Variants in DYSF observed in about 807,000 individuals in gnomAD.
DYSF encodes the protein dystrophy-associated fer-1-like 1.
Under a neutral mutation model 274.9 loss-of-function variants are expected in DYSF, and 212 were observed. The observed-to-expected ratio is 0.77, with a 90% confidence interval of 0.69 to 0.86. The LOEUF (loss-of-function observed/expected upper bound fraction) is 0.86. Among genes scored for constraint, DYSF ranks in the 40% least tolerant of loss-of-function variants. The pLI is 0.00. For missense variants in DYSF, 2,666 were observed against 2,783.2 expected (o/e 0.96, Z 0.95); for synonymous variants, 1,091 against 1,078.7 (o/e 1.01, Z -0.22).
chr2:71,489,671 C>A (rs1012013747), intron 3 of DYSF, among the ~76,000 whole-genome samples: 1 of 152,158 alleles, frequency 6.6e-6, no homozygotes, highest in African/African-American at 2.4e-5. Flanking sequence ...GGGAGGGGGC[C>A]TGGCCAGTTG....
chr2:71,528,319 A>C lies in DYSF; in HGVS notation c.1298A>C (p.Asn433Thr). 6.2e-7 allele frequency: 1 copy of C among 1,614,114 alleles called. No individual in the cohort carries two copies. Among genetic ancestry groups the C allele is most frequent in the Non-Finnish European group, 8.5e-7 (1 of 1,179,992 alleles). ...LPQMDDAVMD[N>T]VKQIFGFESN... ...CCAGTGGACGATGCCGTGATGGACAACGTGAAACAGATCTTTGGCTTCGAG... is the reference window on the plus strand; with the variant it reads ...CCAGTGGACGATGCCGTGATGGACACCGTGAAACAGATCTTTGGCTTCGAG... Residue 433 changes from asparagine (N) to threonine (T), a missense_variant, in exon 14 of 56, where the codon AAC (asparagine) becomes ACC (threonine). Asn to Thr is a moderately conservative substitution (Grantham distance 65). This residue lies in a region of DYSF where 794 missense variants were observed against 777.1 expected (regional missense o/e 1.02). Coordinates refer to ENST00000410020, the MANE Select transcript of DYSF (RefSeq NM_001130987.2).
chr2:71,538,478 G>A (rs553709717), intron 16 of DYSF, among the ~76,000 whole-genome samples: 5 of 152,270 alleles, frequency 3.3e-5, no homozygotes, highest in South Asian at 2.1e-4. Context: ...CAGGGCTTCC[G>A]GCCTGGGCTT....
chr2:71,503,093 G>T (rs1222356049), intron 3 of DYSF, 121 bp from the exon 4 acceptor site: 3 of 875,814 alleles, frequency 3.4e-6, no homozygotes, highest in Non-Finnish European at 3.9e-6. Flanking sequence ...CTCGTGGGGT[G>T]CTGGGTGACT....
At chr2:71,513,457 T>C in intron 6 of DYSF, 125 bp downstream of exon 6, 1 of 1,057,982 alleles carries the variant, frequency 9.5e-7, no homozygotes, top group African/African-American at 1.6e-5. Flanking sequence ...ACTTGGCGGG[T>C]GGGAGGGCTA....
intron 4 of DYSF, among the ~76,000 whole-genome samples, chr2:71,509,239 T>G (rs2152725494): frequency 1.3e-5 from 2 of 152,286 alleles, no homozygotes; most frequent in South Asian, 4.1e-4. Flanking sequence ...CATGGCTCAC[T>G]GCAGCCTTGA....
At chr2:71,496,720 C>A (rs75117826) in intron 3 of DYSF, among the ~76,000 whole-genome samples, 2 of 151,942 alleles carry the variant, frequency 1.3e-5, no homozygotes, top group Non-Finnish European at 2.9e-5. Flanking sequence ...GAGTCCTTTA[C>A]CATCTCCAGG....
At chr2:71,454,185 G>A (rs1458991931) in intron 1 of DYSF, 6 of 1,221,206 alleles carry the variant, frequency 4.9e-6, no homozygotes, top group Non-Finnish European at 5.9e-6. Context: ...TGAGAGACAG[G>A]AGACTTTCTG....
intron 29 of DYSF, among the ~76,000 whole-genome samples, chr2:71,571,651 A>ACACAGATCACACCCAGCACACC (rs1310909320): frequency 7.4e-6 from 1 of 135,690 alleles, no homozygotes; most frequent in Non-Finnish European, 1.5e-5. Flanking sequence ...CAGAGATCAC[A>ACACAGATCACACCCAGCACACC]CACAGATCAC....
chr2:71,513,927 G>T lies in DYSF; in HGVS notation c.759+6G>T. 2 of 1,614,138 alleles carry T rather than the reference G, an allele frequency of 1.2e-6. No homozygotes were observed. The highest frequency in any genetic ancestry group is 2.2e-5 in the South Asian group (2 of 91,040). ...ACAAACCGCAGGATTTCCAGGTGAT[G>T]AACGGGCTTTCTCTGACCCCAGGCT... On this transcript the variant is annotated splice_donor_region_variant and intron_variant, in intron 7 of 55. Coordinates refer to ENST00000410020, the MANE Select transcript of DYSF (RefSeq NM_001130987.2).
intron 4 of DYSF, among the ~76,000 whole-genome samples, chr2:71,505,895 A>G (rs1003406932): frequency 6.6e-6 from 1 of 152,230 alleles, no homozygotes; most frequent in Non-Finnish European, 1.5e-5. Context: ...CAGGGAAGCC[A>G]GGAGGGCACT....
In DYSF at chr2:71,600,305, A is replaced by C. The variant is rs561545982; in HGVS notation, c.3757-397A>C. 2.0e-4 allele frequency among the ~76,000 whole-genome samples: 31 copies of C among 152,356 alleles called. No homozygotes were observed. In the South Asian group the frequency reaches 5.4e-3, roughly 26 times the overall value. Reference sequence around the variant, plus strand: ...AAGTGGGTGGGAATTTAAGGGTGAAATGAGCAGGAGATACAGAAGTCCCTG... The same window carrying C: ...AAGTGGGTGGGAATTTAAGGGTGAACTGAGCAGGAGATACAGAAGTCCCTG... On this transcript the variant is annotated intron_variant, in intron 33 of 55. Transcript: ENST00000410020.
intron 42 of DYSF, among the ~76,000 whole-genome samples, 181 bp from the exon 43 acceptor site, chr2:71,655,981 C>T (rs1238025923): frequency 1.3e-5 from 2 of 152,172 alleles, no homozygotes; most frequent in Non-Finnish European, 1.5e-5. Context: ...CTCTTCTTTG[C>T]CTTCATTCCT....
chr2:71,544,020 A>G (rs1437837734), intron 17 of DYSF, among the ~76,000 whole-genome samples: 3 of 152,096 alleles, frequency 2.0e-5, no homozygotes, highest in African/African-American at 7.2e-5. Context: ...CACTCCTTTT[A>G]TATTTTCCTT....
Position 71,551,698 on chromosome 2 carries a change from C to CGG in DYSF, c.1785_1786dup (p.Asp596GlyfsTer50). The CGG allele has an allele frequency of 2.5e-6, 4 of 1,609,124 alleles. No individual in the cohort carries two copies. Among genetic ancestry groups the CGG allele is most frequent in the Non-Finnish European group, 3.4e-6 (4 of 1,178,832 alleles). ...GAACAGAAGGTGGAGGACCTTCCTG[C>CGG]GGATGACATCCTCCGGGTGGAGGTG... On this transcript the variant is annotated frameshift_variant, in exon 19 of 56. Transcript: ENST00000410020. LOFTEE classifies it high-confidence loss of function.
At chr2:71,454,163 A>C (rs957801474) in intron 1 of DYSF, 6 of 1,383,698 alleles carry the variant, frequency 4.3e-6, no homozygotes, top group Non-Finnish European at 6.1e-6. Context: ...AACCCTGGAG[A>C]GCACCTAGAG....
chr2:71,457,697 T>C (rs1298233929), intron 1 of DYSF, among the ~76,000 whole-genome samples: 1 of 152,150 alleles, frequency 6.6e-6, no homozygotes, highest in Non-Finnish European at 1.5e-5. Flanking sequence ...CTATATCTGA[T>C]AGGACCAATC....
intron 22 of DYSF, among the ~76,000 whole-genome samples, chr2:71,556,327 T>C (rs541107090): frequency 4.6e-5 from 7 of 152,242 alleles, no homozygotes; most frequent in South Asian, 4.1e-4. Flanking sequence ...ATGGGGAGCA[T>C]TGTGTCTCTG....
Position 71,611,554 on chromosome 2 carries a change from G to C in DYSF, c.4149G>C (p.Thr1383=). The C allele has an allele frequency of 6.2e-7, 1 of 1,613,948 alleles. No homozygotes were observed. The highest frequency in any genetic ancestry group is 8.5e-7 in the Non-Finnish European group (1 of 1,179,966). ...TCGTGGTAGAGTGTGGGGGCCAGAC[G>C]GTGCAGTCCTGTGTCATCAGGAACC... ...PSLVVECGGQ[T]VQSCVIRNLR... Residue 1383 remains threonine (T), a synonymous_variant, in exon 38 of 56, where the codon ACG becomes ACC. Transcript: ENST00000410020.
chr2:71,524,330 C>G (rs1017373613), intron 12 of DYSF, among the ~76,000 whole-genome samples: 2 of 152,214 alleles, frequency 1.3e-5, no homozygotes, highest in African/African-American at 4.8e-5. Flanking sequence ...TATCTTTTAT[C>G]TCCCCTCTTG....
Sources: gnomAD v4.1 joint callset for allele counts (sites outside exome capture counted in the v4.1 genomes callset) on GRCh38, gnomAD v4.1.1 for gene constraint, gnomAD v4.1.1 regional missense constraint, MANE v1.5 for transcripts, NCBI Gene and HGNC (gene_info 2026-07-23, HGNC 2026-07-21) for gene names.